MED19: variants seen among roughly 807,000 people sequenced by gnomAD.
MED19 encodes the protein mediator of RNA polymerase II transcription subunit 19.
A neutral mutation model predicts 19.9 loss-of-function variants in MED19; 4 were observed. The observed-to-expected ratio is 0.20, with a 90% CI of 0.10 to 0.46. The LOEUF is 0.46. Ranked by LOEUF, MED19 falls within the 20% of genes least tolerant of loss-of-function variation. The pLI is 0.99. For synonymous variants in MED19, 139 were observed against 119.6 expected (o/e 1.16, Z -1.06); for missense variants, 303 against 318.7 (o/e 0.95, Z 0.38).
At chr11:57,704,799 C>T (rs913543176) in exon 3 of MED19, 8 of 1,611,236 alleles carry the variant, frequency 5.0e-6, no homozygotes, top group African/African-American at 1.3e-5. Flanking sequence ...ATGCATCAGA[C>T]GACACTGCTC....
At chr11:57,705,418 G>A (rs1401850723) in intron 1 of MED19, among the ~76,000 whole-genome samples, 189 bp from the exon 2 acceptor site, 2 of 152,158 alleles carry the variant, frequency 1.3e-5, no homozygotes, top group East Asian at 1.9e-4. Flanking sequence ...TTGGGAGGCT[G>A]AGGCGGGTGG....
intron 1 of MED19, among the ~76,000 whole-genome samples, chr11:57,710,370 A>C (rs1946552078): frequency 6.6e-6 from 1 of 152,168 alleles, no homozygotes; most frequent in African/African-American, 2.4e-5. Flanking sequence ...TCTATAAAAA[A>C]ATTTTTTAAA....
At chr11:57,703,772 C>A (rs184384363) in exon 5 of MED19, 25 of 416,646 alleles carry the variant, frequency 6.0e-5, no homozygotes, top group Admixed American at 5.6e-4. Context: ...CTAAATCAGA[C>A]AAATTGCACA....
chr11:57,704,469 C>T (rs1318382855), intron 3 of MED19, 73 bp from the exon 4 acceptor site: 19 of 1,541,304 alleles, frequency 1.2e-5, no homozygotes, highest in Middle Eastern at 2.3e-4. Context: ...CTGAAGACTA[C>T]AGGAAAATCC....
intron 1 of MED19, among the ~76,000 whole-genome samples, chr11:57,709,559 A>G (rs919330642): frequency 6.6e-6 from 1 of 151,932 alleles, no homozygotes; most frequent in African/African-American, 2.4e-5. Context: ...TTCTATATAC[A>G]ATATATATTT....
chr11:57,709,438 T>C (rs1946539456), intron 1 of MED19, among the ~76,000 whole-genome samples: 1 of 151,990 alleles, frequency 6.6e-6, no homozygotes, highest in Non-Finnish European at 1.5e-5. Context: ...TAACTCTTGA[T>C]TTCCACCTCT....
chr11:57,704,669 G>GGTTTTT, intron 3 of MED19, 50 bp downstream of exon 3: 6 of 1,286,328 alleles, frequency 4.7e-6, no homozygotes, highest in Non-Finnish European at 5.1e-6. Context: ...AGAAGGTCAG[G>GGTTTTT]TTTTTTTTTT....
At chr11:57,704,508 T>C (rs1946483942) in intron 3 of MED19, 112 bp from the exon 4 acceptor site, 1 of 1,579,080 alleles carries the variant, frequency 6.3e-7, no homozygotes, top group Non-Finnish European at 8.5e-7. Flanking sequence ...TTTGTCCAAA[T>C]GGCCAGAAAG....
chr11:57,709,954 A>C (rs2135418839), intron 1 of MED19, among the ~76,000 whole-genome samples: 1 of 152,318 alleles, frequency 6.6e-6, no homozygotes, highest in South Asian at 2.1e-4. Context: ...TCAAACCATT[A>C]TCTTTCCTGG....
intron 1 of MED19, among the ~76,000 whole-genome samples, chr11:57,708,198 A>G (rs958457047): frequency 2.0e-5 from 3 of 152,066 alleles, no homozygotes; most frequent in African/African-American, 2.4e-5. Flanking sequence ...GGGCTTCTCT[A>G]TTTCAATCCA....
chr11:57,707,647 A>G (rs1181209460), intron 1 of MED19, among the ~76,000 whole-genome samples: 1 of 151,822 alleles, frequency 6.6e-6, no homozygotes, highest in Admixed American at 6.6e-5. Flanking sequence ...ATGTCACAGT[A>G]TCTCTCCTCA....
chr11:57,704,699 T>TTTTTTAATTA lies in MED19; in HGVS notation c.571+19_571+20insTAATTAAAAA. 6.3e-7 allele frequency: 1 copy of TTTTTTAATTA among 1,575,446 alleles called. No homozygotes were observed. Among genetic ancestry groups the TTTTTTAATTA allele is most frequent in the South Asian group, 1.2e-5 (1 of 86,324 alleles). ...TTTTTTTTTTTTTTTTTTTTTGCTT[T>TTTTTTAATTA]GAATAGAACTGCTTCTTACCTGGGG... On this transcript the variant is annotated intron_variant, in intron 3 of 4. Coordinates refer to ENST00000431606, the Ensembl canonical transcript of MED19.
chr11:57,704,695 G>A, intron 3 of MED19, 24 bp downstream of exon 3: 1 of 701,984 alleles, frequency 1.4e-6, no homozygotes. Context: ...TTTTTTTTTT[G>A]CTTTGAATAG....
At chr11:57,706,211 G>A (rs562514859) in intron 1 of MED19, among the ~76,000 whole-genome samples, 1 of 152,152 alleles carries the variant, frequency 6.6e-6, no homozygotes, top group African/African-American at 2.4e-5. Context: ...AGTGGGGTAC[G>A]ATCTTGGCTC....
chr11:57,706,711 T>TGA (rs1222652350), intron 1 of MED19, among the ~76,000 whole-genome samples: 2 of 151,770 alleles, frequency 1.3e-5, no homozygotes, highest in Non-Finnish European at 2.9e-5. Flanking sequence ...CCAGTTTGGG[T>TGA]GAGAGAGTGA....
chr11:57,706,736 A>AAAAAC (rs199977971), intron 1 of MED19, among the ~76,000 whole-genome samples: 23 of 152,192 alleles, frequency 1.5e-4, no homozygotes, highest in Middle Eastern at 3.4e-3. Context: ...CTGTCTCAAA[A>AAAAAC]AAAACAAAAC....
At chr11:57,704,486 G>A (rs371072172) in intron 3 of MED19, 90 bp from the exon 4 acceptor site, 7 of 1,559,056 alleles carry the variant, frequency 4.5e-6, no homozygotes, top group Middle Eastern at 2.4e-4. Flanking sequence ...ATCCCAAGTC[G>A]GGGCAACTGC....
chr11:57,711,822 CAG>C, intron 1 of MED19, 139 bp downstream of exon 1: 1 of 888,578 alleles, frequency 1.1e-6, no homozygotes, highest in Non-Finnish European at 1.6e-6. Flanking sequence ...TGAATCCTAA[CAG>C]CGCTTCCGAC....
At chr11:57,704,046 G>A in exon 5 of MED19, 1 of 1,535,764 alleles carries the variant, frequency 6.5e-7, no homozygotes, top group Non-Finnish European at 8.7e-7. Context: ...TATTAGCGTA[G>A]GCTGCTGCTG....
Sources: allele counts gnomAD v4.1 joint callset (sites outside exome capture counted in the v4.1 genomes callset), GRCh38; gene constraint gnomAD v4.1.1; transcripts MANE v1.5; gene names NCBI Gene and HGNC (gene_info 2026-07-23, HGNC 2026-07-21).